RUBCNL: variants seen among roughly 807,000 people sequenced by gnomAD.
The protein encoded by RUBCNL is rubicon like autophagy enhancer, also known as protein associated with UVRAG as autophagy enhancer.
In RUBCNL, 62 loss-of-function variants were observed where a neutral mutation model predicts 69.5. That is an observed-to-expected ratio of 0.89 (90% CI 0.73 to 1.10). The LOEUF (loss-of-function observed/expected upper bound fraction) is 1.10, where lower values mean the gene tolerates loss of function less well. RUBCNL is among the 50% of genes least tolerant of loss of function. The probability of loss-of-function intolerance (pLI) is 0.00; values close to 1 mark genes in which losing one functional copy is unlikely to be tolerated. For synonymous variants in RUBCNL, 291 were observed against 303.6 expected (o/e 0.96, Z 0.43); for missense variants, 768 against 798.1 (o/e 0.96, Z 0.45).
At chr13:46,347,839 A>G (rs1310692136) in intron 12 of RUBCNL, among the ~76,000 whole-genome samples, 1 of 152,062 alleles carries the variant, frequency 6.6e-6, no homozygotes, top group Non-Finnish European at 1.5e-5. Flanking sequence ...AAAACACACA[A>G]AAAATTAGCC....
At position 46,336,943 on chromosome 13, in the gene RUBCNL, T is replaced by C. The variant is rs1172038626; in HGVS notation, c.*6442A>G. On this transcript the variant is annotated 3_prime_UTR_variant, in exon 15 of 15. Transcript: ENST00000429979. The stretch of plus-strand genomic sequence containing the variant: ...GAGGAGTAGAATAGTTTTTGATGTC[T>C]GCATGACTGTTATGGACTGAATATT... 6.6e-6 allele frequency among the ~76,000 whole-genome samples: 1 copy of C among 152,062 alleles called. No homozygotes were observed. The highest frequency in any genetic ancestry group is 1.5e-5 in the Non-Finnish European group (1 of 68,012).
chr13:46,382,598 T>C (rs1030439377), intron 1 of RUBCNL, among the ~76,000 whole-genome samples: 1 of 152,170 alleles, frequency 6.6e-6, no homozygotes, highest in African/African-American at 2.4e-5. Context: ...AGTGGCATGA[T>C]CTCAGTTCAC....
At chr13:46,371,871 C>T (rs530635264) in intron 3 of RUBCNL, 70 bp downstream of exon 3, 6 of 1,485,606 alleles carry the variant, frequency 4.0e-6, no homozygotes, top group Middle Eastern at 1.8e-4. Flanking sequence ...GACAACAAGG[C>T]AGGCTTTAGA....
chr13:46,383,436 C>T (rs553253453), intron 1 of RUBCNL, among the ~76,000 whole-genome samples: 6 of 152,228 alleles, frequency 3.9e-5, no homozygotes, highest in Non-Finnish European at 7.4e-5. Context: ...CAGCATTCAT[C>T]TTCTGACACC....
chr13:46,365,917 C>T (rs762675890), intron 5 of RUBCNL, among the ~76,000 whole-genome samples: 6 of 152,126 alleles, frequency 3.9e-5, no homozygotes, highest in Non-Finnish European at 5.9e-5. Flanking sequence ...TAAACCAAAT[C>T]GGTATTAAAG....
chr13:46,348,191 A>G (rs1255728499), intron 12 of RUBCNL, among the ~76,000 whole-genome samples: 1 of 152,122 alleles, frequency 6.6e-6, no homozygotes, highest in Admixed American at 6.6e-5. Context: ...AGGAAGAGGG[A>G]ATGGGGAGTT....
chr13:46,373,825 C>G (rs969093347), intron 2 of RUBCNL, among the ~76,000 whole-genome samples: 3 of 152,222 alleles, frequency 2.0e-5, no homozygotes, highest in Non-Finnish European at 2.9e-5. Context: ...TTCTGATTTC[C>G]CGGCTAGCAA....
chr13:46,388,336 CAAGGAAGGAAGG>C (rs201163231), upstream of RUBCNL, among the ~76,000 whole-genome samples: 4 of 135,594 alleles, frequency 2.9e-5, no homozygotes, highest in African/African-American at 8.6e-5. Context: ...GAACCTAAGC[CAAGGAAGGAAGG>C]AAGGAAGGAA....
rs1223720591 is a variant in RUBCNL at position 46,350,277 on chromosome 13, A to G, written c.1405T>C (p.Ser469Pro). 6.3e-7 allele frequency: 1 copy of G among 1,586,322 alleles called. No individual in the cohort carries two copies. Among genetic ancestry groups the G allele is most frequent in the African/African-American group, 1.3e-5 (1 of 74,334 alleles). ...ATCAGGATTCGGGCAGGGATGCACGACTCTGCATATGAGTGGCAGCAGTCA... is the reference window on the plus strand; with the variant it reads ...ATCAGGATTCGGGCAGGGATGCACGGCTCTGCATATGAGTGGCAGCAGTCA... Reference protein sequence around the residue: ...FCDCCHSYAESCIPARILMMW... With the variant: ...FCDCCHSYAEPCIPARILMMW... The change falls in exon 11 of 15, where the codon TCG (serine) becomes CCG (proline). Residue 469 changes from serine (S) to proline (P), a missense_variant. By Grantham distance (74) the Ser-to-Pro change is moderately conservative. Coordinates refer to ENST00000429979, the MANE Select transcript of RUBCNL (RefSeq NM_025113.5).
At chr13:46,379,195 G>T (rs534954280) in intron 1 of RUBCNL, among the ~76,000 whole-genome samples, 2 of 152,200 alleles carry the variant, frequency 1.3e-5, no homozygotes, top group South Asian at 4.1e-4. Context: ...TCCTGCCTCA[G>T]TCTCCCAAGT....
At chr13:46,373,350 G>A (rs2048920507) in intron 2 of RUBCNL, among the ~76,000 whole-genome samples, 1 of 152,138 alleles carries the variant, frequency 6.6e-6, no homozygotes, top group Non-Finnish European at 1.5e-5. Flanking sequence ...ATAAAACAGA[G>A]GGATGATCCA....
Position 46,362,605 on chromosome 13 carries a change from G to A in RUBCNL, c.926-7C>T. ...TCATTAAAATCTCCAAGCTCTGTGG[G>A]AAAATAAAAGAAAGAGTGGTGAGGT... On this transcript the variant is annotated splice_polypyrimidine_tract_variant and splice_region_variant and intron_variant, in intron 6 of 14. Transcript: ENST00000429979. The A allele has an allele frequency of 6.3e-7, 1 of 1,597,394 alleles. No homozygotes were observed. The highest frequency in any genetic ancestry group is 8.6e-7 in the Non-Finnish European group (1 of 1,169,276).
chr13:46,358,294 C>T (rs894677661), intron 9 of RUBCNL, among the ~76,000 whole-genome samples: 2 of 152,188 alleles, frequency 1.3e-5, no homozygotes, highest in Non-Finnish European at 2.9e-5. Flanking sequence ...CAACCCTCAC[C>T]GGTCCCTTTG....
intron 1 of RUBCNL, among the ~76,000 whole-genome samples, chr13:46,378,227 G>A (rs2049040846): frequency 1.3e-5 from 2 of 152,118 alleles, no homozygotes; most frequent in African/African-American, 2.4e-5. Context: ...TGGAGGAAGG[G>A]AGATAGTGAA....
chr13:46,370,233 C>T (rs2048848069), intron 3 of RUBCNL, among the ~76,000 whole-genome samples: 1 of 152,148 alleles, frequency 6.6e-6, no homozygotes, highest in African/African-American at 2.4e-5. Flanking sequence ...TATCAGGACA[C>T]TAAGGAGATA....
At chr13:46,365,365 C>T (rs1209504681) in intron 5 of RUBCNL, among the ~76,000 whole-genome samples, 3 of 149,508 alleles carry the variant, frequency 2.0e-5, no homozygotes, top group South Asian at 2.1e-4. Context: ...ACCTAAACCA[C>T]GTACACACAC....
chr13:46,354,885 T>C (rs1472752710), intron 10 of RUBCNL: 1 of 456,482 alleles, frequency 2.2e-6, no homozygotes, highest in African/African-American at 2.0e-5. Context: ...AACAAAAAGT[T>C]GGTGGAGCGA....
At chr13:46,387,384 C>T (rs1343454272), upstream of RUBCNL, 2 of 985,376 alleles carry the variant, frequency 2.0e-6, no homozygotes, top group Non-Finnish European at 2.4e-6. Flanking sequence ...CCGCAGGCAC[C>T]GAGACGTCGC....
chr13:46,389,120 G>A (rs919941364), upstream of RUBCNL, among the ~76,000 whole-genome samples: 5 of 152,222 alleles, frequency 3.3e-5, no homozygotes, highest in Admixed American at 2.6e-4. This position sits in a 1 kb window ranked among gnomAD's most constrained non-coding sequence, Gnocchi z 4.2. Flanking sequence ...TATCGGCTAT[G>A]TGCCAGGTAC....
Sources: allele counts gnomAD v4.1 joint callset (sites outside exome capture counted in the v4.1 genomes callset), GRCh38; gene constraint gnomAD v4.1.1; non-coding constraint Gnocchi (gnomAD v3.1); transcripts MANE v1.5; gene names NCBI Gene and HGNC (gene_info 2026-07-23, HGNC 2026-07-21).